LCOR: variants seen among roughly 807,000 people sequenced by gnomAD.
LCOR encodes ligand-dependent corepressor.
In LCOR, 14 loss-of-function variants were observed where a neutral mutation model predicts 64.4. That is an observed-to-expected ratio of 0.22 (90% CI 0.14 to 0.34). LCOR has a LOEUF of 0.34. Ranked by LOEUF, LCOR falls within the 10% of genes least tolerant of loss-of-function variation. LCOR has a pLI of 1.00. For missense variants in LCOR, 1,686 were observed against 1,765.3 expected (o/e 0.96, Z 0.80); for synonymous variants, 643 against 642.5 (o/e 1.00, Z -0.01).
At position 96,984,905 on chromosome 10, in the gene LCOR, C is replaced by T. The variant is rs772114417; in HGVS notation, c.4445C>T (p.Pro1482Leu). Residue 1482 changes from proline to leucine, a missense_variant, in exon 8 of 8, where the codon CCT becomes CTT. This residue lies in a region of LCOR where 1,293 missense variants were observed against 1,410.4 expected (regional missense o/e 0.92). Coordinates refer to ENST00000421806, the MANE Select transcript of LCOR (RefSeq NM_001346516.2). Reference protein sequence around the residue: ...RKEKENTNKRPSQSIASETLT... With the variant: ...RKEKENTNKRLSQSIASETLT... ...GAAAAAGAGAATACAAACAAAAGGC[C>T]TTCCCAGTCTATTGCCTCGGAAACA... 9 of 1,613,872 alleles carry T rather than the reference C, an allele frequency of 5.6e-6. No individual in the cohort carries two copies. The highest frequency in any genetic ancestry group is 7.6e-6 in the Non-Finnish European group (9 of 1,179,984).
intron 7 of LCOR, among the ~76,000 whole-genome samples, chr10:96,975,872 G>A (rs970966467): frequency 5.3e-5 from 8 of 151,852 alleles, no homozygotes; most frequent in Admixed American, 1.3e-4. Flanking sequence ...AAAGCTAGCC[G>A]GACGTGGTGG....
intron 2 of LCOR, among the ~76,000 whole-genome samples, chr10:96,867,240 G>A (rs543877323): frequency 1.1e-3 from 162 of 152,126 alleles, no homozygotes; most frequent in Non-Finnish European, 1.6e-4. Context: ...TGATCCACCC[G>A]TCTCCGCCTC....
intron 4 of LCOR, among the ~76,000 whole-genome samples, chr10:96,941,036 T>G (rs1159153425): frequency 1.1e-5 from 1 of 88,766 alleles, no homozygotes; most frequent in Admixed American, 1.1e-4. Flanking sequence ...CCCCCCCACC[T>G]CCCTCCCGGA....
At chr10:96,927,594 CTG>C (rs1386785470) in intron 4 of LCOR, among the ~76,000 whole-genome samples, 3 of 152,114 alleles carry the variant, frequency 2.0e-5, no homozygotes, top group Non-Finnish European at 2.9e-5. Context: ...TTAGTAGTAA[CTG>C]TTATATTTTG....
At chr10:96,877,183 GGA>G (rs1300623941) in intron 2 of LCOR, among the ~76,000 whole-genome samples, 2 of 151,998 alleles carry the variant, frequency 1.3e-5, no homozygotes, top group Admixed American at 6.6e-5. Flanking sequence ...TGGCTACAAT[GGA>G]TTTAACTATA....
intron 4 of LCOR, among the ~76,000 whole-genome samples, chr10:96,922,683 G>T (rs1847100768): frequency 1.3e-5 from 2 of 152,130 alleles, no homozygotes; most frequent in Admixed American, 1.3e-4. Flanking sequence ...GGGGTGGTTT[G>T]CTTTTTTCGT....
At chr10:96,885,519 TCAC>T (rs1846327926) in intron 2 of LCOR, among the ~76,000 whole-genome samples, 1 of 150,380 alleles carries the variant, frequency 6.6e-6, no homozygotes, top group Non-Finnish European at 1.5e-5. Context: ...GTAGCTGGGA[TCAC>T]AGGCCAGTGC....
chr10:96,936,513 C>G lies in LCOR; in HGVS notation c.-183-7600C>G, dbSNP rs536010833. Among the ~76,000 whole-genome samples, 6 of 152,166 alleles carry G rather than the reference C, an allele frequency of 3.9e-5. No homozygotes were observed. The South Asian group carries it at 1.2e-3, about 32-fold the overall frequency. On this transcript the variant is annotated intron_variant, in intron 4 of 7. Coordinates refer to ENST00000421806, the MANE Select transcript of LCOR (RefSeq NM_001346516.2). The stretch of plus-strand genomic sequence containing the variant: ...CACTGATCAAGAAAAATAGAAGACT[C>G]AAGTTACTAATCACAAATGAAATAT...
intron 6 of LCOR, among the ~76,000 whole-genome samples, chr10:96,949,723 T>A (rs752020606): frequency 1.3e-5 from 2 of 152,178 alleles, no homozygotes; most frequent in Non-Finnish European, 2.9e-5. Flanking sequence ...GCAAATGAGA[T>A]CATAAGGAAA....
intron 7 of LCOR, among the ~76,000 whole-genome samples, chr10:96,954,758 C>G (rs2134532403): frequency 6.6e-6 from 1 of 151,924 alleles, no homozygotes; most frequent in East Asian, 1.9e-4. Context: ...TTTCTTTTTC[C>G]TTTTTCCTTT....
rs190979001 is a variant in LCOR, at chr10:96,917,610, T to C, written c.-184+9863T>C. 2.0e-5 allele frequency among the ~76,000 whole-genome samples: 3 copies of C among 152,302 alleles called. No homozygotes were observed. In the East Asian group the frequency reaches 5.8e-4, roughly 29 times the overall value. ...ACTTTAAAAGGATCTGTGTGTGTTTTAGAGTGGTTGGTTTGGTAATTGTTT... is the reference window on the plus strand; with the variant it reads ...ACTTTAAAAGGATCTGTGTGTGTTTCAGAGTGGTTGGTTTGGTAATTGTTT... On this transcript the variant is annotated intron_variant, in intron 4 of 7. Transcript: ENST00000421806.
intron 2 of LCOR, among the ~76,000 whole-genome samples, chr10:96,869,701 A>G (rs567671649): frequency 2.3e-4 from 35 of 151,534 alleles, no homozygotes; most frequent in African/African-American, 8.2e-4. Context: ...CAGCCTTCCA[A>G]GTAGCTGGGA....
chr10:96,858,052 G>A (rs1433157557), intron 2 of LCOR, among the ~76,000 whole-genome samples: 1 of 152,222 alleles, frequency 6.6e-6, no homozygotes, highest in Non-Finnish European at 1.5e-5. Context: ...GAAAGAGGGA[G>A]TGTTAATTTT....
chr10:96,900,667 C>T lies in LCOR; in HGVS notation c.-329-6598C>T, dbSNP rs575215407. Among the ~76,000 whole-genome samples, 4 of 152,148 alleles carry T rather than the reference C, an allele frequency of 2.6e-5. No individual in the cohort carries two copies. The South Asian group carries it at 8.3e-4, about 32-fold the overall frequency. On this transcript the variant is annotated intron_variant, in intron 2 of 7. Coordinates refer to ENST00000421806, the MANE Select transcript of LCOR (RefSeq NM_001346516.2). Reference sequence around the variant, plus strand: ...TGCCATTAGTTTTTATATAAACAGTCTTTTCCCTTTTCAGGAGATCATTAT... The same window carrying T: ...TGCCATTAGTTTTTATATAAACAGTTTTTTCCCTTTTCAGGAGATCATTAT...
chr10:96,876,641 C>T (rs770748494), intron 2 of LCOR, among the ~76,000 whole-genome samples: 1 of 152,044 alleles, frequency 6.6e-6, no homozygotes, highest in Non-Finnish European at 1.5e-5. Context: ...TTAGAAAATA[C>T]GGACAAGGCA....
intron 7 of LCOR, chr10:96,963,647 T>C (rs958481799): frequency 1.3e-5 from 2 of 152,210 alleles, no homozygotes; most frequent in Non-Finnish European, 2.9e-5. Flanking sequence ...GTGTATTTTG[T>C]AGCCTTGAAG....
chr10:96,901,050 G>A (rs1846627692), intron 2 of LCOR, among the ~76,000 whole-genome samples: 1 of 151,938 alleles, frequency 6.6e-6, no homozygotes, highest in African/African-American at 2.4e-5. Flanking sequence ...TTAGTCAGGC[G>A]TGGTGGCGGG....
At chr10:96,918,752 C>G (rs1014820135) in intron 4 of LCOR, among the ~76,000 whole-genome samples, 3 of 152,178 alleles carry the variant, frequency 2.0e-5, no homozygotes, top group Non-Finnish European at 2.9e-5. Context: ...GGAATTAAAT[C>G]AGGCATGAAT....
intron 2 of LCOR, among the ~76,000 whole-genome samples, chr10:96,860,551 ATGT>A (rs1389340181): frequency 6.6e-6 from 1 of 152,194 alleles, no homozygotes; most frequent in African/African-American, 2.4e-5. Context: ...TAGAATCGCA[ATGT>A]TGTTTTCAGC....
Sources: gnomAD v4.1 joint callset for allele counts (sites outside exome capture counted in the v4.1 genomes callset) on GRCh38, gnomAD v4.1.1 for gene constraint, gnomAD v4.1.1 regional missense constraint, MANE v1.5 for transcripts, NCBI Gene and HGNC (gene_info 2026-07-23, HGNC 2026-07-21) for gene names.